IMMP1L: variants seen among roughly 807,000 people sequenced by gnomAD.
IMMP1L encodes mitochondrial inner membrane protease subunit 1.
In IMMP1L, 24 loss-of-function variants were observed where a neutral mutation model predicts 21.8. The observed-to-expected ratio is 1.10, with a 90% CI of 0.80 to 1.55. The LOEUF (loss-of-function observed/expected upper bound fraction) is 1.55, where lower values mean the gene tolerates loss of function less well. Ranked by LOEUF, IMMP1L falls within the 40% of genes most tolerant of loss-of-function variation. IMMP1L has a pLI of 0.00. For missense variants in IMMP1L, 195 were observed against 200.7 expected, an observed-to-expected ratio of 0.97 and a Z score of 0.17; for synonymous variants, 46 against 62.8, an observed-to-expected ratio of 0.73 and a Z score of 1.26.
intron 4 of IMMP1L, among the ~76,000 whole-genome samples, chr11:31,449,383 T>TAC (rs1361251289): frequency 6.6e-6 from 1 of 152,200 alleles, no homozygotes; most frequent in Non-Finnish European, 1.5e-5. Flanking sequence ...AAATACACAG[T>TAC]ACACATTAAA....
At chr11:31,453,052 A>G in intron 4 of IMMP1L, 1 of 1,288,640 alleles carries the variant, frequency 7.8e-7, no homozygotes, top group Non-Finnish European at 1.0e-6. Flanking sequence ...GCGGCCGGCC[A>G]GCAACAGCAT....
chr11:31,485,675 C>T (rs2133769481), intron 1 of IMMP1L, among the ~76,000 whole-genome samples: 1 of 151,866 alleles, frequency 6.6e-6, no homozygotes, highest in Non-Finnish European at 1.5e-5. Context: ...ACGGAAGGCA[C>T]TGACAACAAA....
chr11:31,487,161 C>G (rs1955108258), intron 1 of IMMP1L, among the ~76,000 whole-genome samples: 1 of 151,746 alleles, frequency 6.6e-6, no homozygotes, highest in South Asian at 2.1e-4. Context: ...TTTCTGCTAT[C>G]AACAATTTCC....
intron 1 of IMMP1L, among the ~76,000 whole-genome samples, chr11:31,467,295 T>C (rs1431303172): frequency 6.6e-6 from 1 of 152,138 alleles, no homozygotes. Context: ...TCATCCTAGC[T>C]CTGTCCACTG....
intron 4 of IMMP1L, chr11:31,437,140 C>A (rs770317222): frequency 6.7e-6 from 3 of 450,228 alleles, no homozygotes; most frequent in South Asian, 4.7e-5. Flanking sequence ...GGTTGAGTAT[C>A]TCTTATCTGA....
chr11:31,438,464 G>T (rs1411108338), intron 4 of IMMP1L, among the ~76,000 whole-genome samples: 1 of 151,972 alleles, frequency 6.6e-6, no homozygotes, highest in Non-Finnish European at 1.5e-5. Flanking sequence ...TTTCTCCCAG[G>T]CTGCATCTTT....
intron 1 of IMMP1L, among the ~76,000 whole-genome samples, chr11:31,494,709 T>C (rs1199199962): frequency 6.6e-6 from 1 of 152,126 alleles, no homozygotes; most frequent in Non-Finnish European, 1.5e-5. Flanking sequence ...TGGTGTGATC[T>C]AGGCTCACTG....
chr11:31,490,592 G>A (rs887993659), intron 1 of IMMP1L, among the ~76,000 whole-genome samples: 3 of 151,918 alleles, frequency 2.0e-5, no homozygotes, highest in East Asian at 1.9e-4. Context: ...GTATTAGTAC[G>A]TTGTAACATA....
chr11:31,496,613 A>ATG (rs1386563678), intron 1 of IMMP1L, among the ~76,000 whole-genome samples: 1 of 150,508 alleles, frequency 6.6e-6, no homozygotes, highest in African/African-American at 2.5e-5. Flanking sequence ...AAACTGTGAT[A>ATG]TATGTGTGTG....
intron 1 of IMMP1L, among the ~76,000 whole-genome samples, chr11:31,483,180 A>G (rs1425251853): frequency 6.6e-6 from 1 of 151,974 alleles, no homozygotes; most frequent in Non-Finnish European, 1.5e-5. Flanking sequence ...GGAAGGGTGC[A>G]TGAAGGTGTC....
intron 1 of IMMP1L, among the ~76,000 whole-genome samples, chr11:31,476,356 T>C (rs1954728876): frequency 6.6e-6 from 1 of 152,072 alleles, no homozygotes; most frequent in African/African-American, 2.4e-5. Context: ...TACAGTAGCT[T>C]GGAACCAGTT....
chr11:31,452,544 T>C, intron 4 of IMMP1L: 2 of 985,404 alleles, frequency 2.0e-6, no homozygotes, highest in Non-Finnish European at 1.2e-6. Flanking sequence ...AAGCAGTGGC[T>C]TCAAGCAGCA....
intron 4 of IMMP1L, among the ~76,000 whole-genome samples, chr11:31,440,117 C>T (rs886111385): frequency 1.3e-5 from 2 of 152,166 alleles, no homozygotes; most frequent in South Asian, 2.1e-4. Flanking sequence ...TAATCTTTGT[C>T]TCAACTCAGC....
At chr11:31,498,998 T>G (rs1220818941) in intron 1 of IMMP1L, among the ~76,000 whole-genome samples, 1 of 152,196 alleles carries the variant, frequency 6.6e-6, no homozygotes, top group Non-Finnish European at 1.5e-5. Flanking sequence ...CCATGTGTCT[T>G]TTGATTCAAA....
intron 1 of IMMP1L, among the ~76,000 whole-genome samples, chr11:31,478,034 G>A (rs947484295): frequency 9.9e-5 from 15 of 152,270 alleles, no homozygotes; most frequent in East Asian, 3.9e-4. Flanking sequence ...AGAAGAATAA[G>A]CTAAGGATCA....
At chr11:31,468,246 A>C (rs1359356512) in intron 1 of IMMP1L, among the ~76,000 whole-genome samples, 1 of 152,176 alleles carries the variant, frequency 6.6e-6, no homozygotes, top group Non-Finnish European at 1.5e-5. Flanking sequence ...ATTTCTTAAC[A>C]ATATGCTACG....
chr11:31,447,321 T>C (rs1456163309), intron 4 of IMMP1L, among the ~76,000 whole-genome samples: 1 of 152,164 alleles, frequency 6.6e-6, no homozygotes, highest in East Asian at 1.9e-4. Context: ...TTAAGGAAGA[T>C]GTGTGAGTGC....
intron 1 of IMMP1L, among the ~76,000 whole-genome samples, chr11:31,509,163 G>A (rs1955905306): frequency 6.6e-6 from 1 of 152,200 alleles, no homozygotes; most frequent in African/African-American, 2.4e-5. Context: ...AGGAAAACCA[G>A]ATAGCCTCAA....
chr11:31,470,422 A>G (rs916361902), intron 1 of IMMP1L, among the ~76,000 whole-genome samples: 2 of 152,032 alleles, frequency 1.3e-5, no homozygotes, highest in African/African-American at 4.8e-5. Context: ...TCAAAAAACA[A>G]AAAACAAAAA....
Sources: gnomAD v4.1 joint callset for allele counts (sites outside exome capture counted in the v4.1 genomes callset) on GRCh38, gnomAD v4.1.1 for gene constraint, MANE v1.5 for transcripts, NCBI Gene and HGNC (gene_info 2026-07-23, HGNC 2026-07-21) for gene names.